RIMKLB: variants seen among roughly 807,000 people sequenced by gnomAD.
RIMKLB encodes the protein ribosomal modification protein rimK like family member B, also known as beta-citrylglutamate synthase B.
Under a neutral mutation model 32.0 loss-of-function variants are expected in RIMKLB, and 7 were observed. The observed-to-expected ratio is 0.22, with a 90% CI of 0.12 to 0.41. The LOEUF is 0.41. Ranked by LOEUF, RIMKLB falls within the 10% of genes least tolerant of loss-of-function variation. The probability of loss-of-function intolerance (pLI) is 1.00; values close to 1 mark genes in which losing one functional copy is unlikely to be tolerated. For missense variants in RIMKLB, 289 were observed against 498.7 expected, an observed-to-expected ratio of 0.58 and a Z score of 4.00; for synonymous variants, 172 against 185.1, an observed-to-expected ratio of 0.93 and a Z score of 0.57.
At chr12:8,711,443 G>A (rs1944367657) in intron 1 of RIMKLB, among the ~76,000 whole-genome samples, 1 of 151,996 alleles carries the variant, frequency 6.6e-6, no homozygotes, top group Non-Finnish European at 1.5e-5. Flanking sequence ...CAAGAGCCGA[G>A]TGTCAGGCCA....
At chr12:8,765,363 C>G (rs1411127508) in intron 5 of RIMKLB, among the ~76,000 whole-genome samples, 1 of 152,158 alleles carries the variant, frequency 6.6e-6, no homozygotes, top group Non-Finnish European at 1.5e-5. Flanking sequence ...GCCTGCTGGC[C>G]TTGGGGAATT....
intron 5 of RIMKLB, among the ~76,000 whole-genome samples, chr12:8,762,895 G>A (rs899577216): frequency 2.0e-5 from 3 of 152,258 alleles, no homozygotes; most frequent in Admixed American, 1.3e-4. Context: ...CCCCTTAAGC[G>A]GCGTAGGTGT....
At chr12:8,782,873 A>G (rs1022307076) in intron 7 of RIMKLB, 1 of 152,176 alleles carries the variant, frequency 6.6e-6, no homozygotes, top group African/African-American at 2.4e-5. Context: ...GAGACTTTTA[A>G]AATCTATGAT....
intron 2 of RIMKLB, among the ~76,000 whole-genome samples, chr12:8,729,931 T>G (rs1405802954): frequency 6.6e-6 from 1 of 152,204 alleles, no homozygotes; most frequent in Non-Finnish European, 1.5e-5. Context: ...CCCTAATGAT[T>G]AGTGATTTTT....
intron 7 of RIMKLB, chr12:8,782,803 T>C (rs1335170097): frequency 1.3e-5 from 2 of 152,198 alleles, no homozygotes; most frequent in Non-Finnish European, 2.9e-5. Context: ...TTTAGAATGT[T>C]TTATTGTCAT....
chr12:8,750,448 C>G (rs969310117), intron 3 of RIMKLB, among the ~76,000 whole-genome samples: 2 of 152,112 alleles, frequency 1.3e-5, no homozygotes, highest in Non-Finnish European at 2.9e-5. Flanking sequence ...GCTGATAGGT[C>G]AAATTTGACC....
chr12:8,713,782 C>A, intron 1 of RIMKLB, 29 bp from the exon 2 acceptor site: 1 of 1,314,146 alleles, frequency 7.6e-7, no homozygotes, highest in South Asian at 1.2e-5. Flanking sequence ...CTTGATTTAC[C>A]TTTTATGTAT....
upstream of RIMKLB, among the ~76,000 whole-genome samples, chr12:8,695,429 T>C (rs1942858740): frequency 6.6e-6 from 1 of 152,166 alleles, no homozygotes. Flanking sequence ...GGGTTTCCAA[T>C]ATGGAAATGG....
intron 1 of RIMKLB, among the ~76,000 whole-genome samples, chr12:8,683,171 T>C (rs1008170975): frequency 6.6e-6 from 1 of 152,202 alleles, no homozygotes; most frequent in African/African-American, 2.4e-5. Flanking sequence ...CTGAAGGACG[T>C]CTTGATTGCC....
chr12:8,750,100 T>A lies in RIMKLB; in HGVS notation c.406+8T>A. On this transcript the variant is annotated splice_region_variant and intron_variant, in intron 3 of 5. Transcript: ENST00000535829. ...CGGATACTTTCTCTTATGGTGAGCC[T>A]ACTAAAGAGCATACATAGCCTGAAT... 1 of 1,555,334 alleles carries A rather than the reference T, an allele frequency of 6.4e-7. No individual in the cohort carries two copies. The highest frequency in any genetic ancestry group is 8.9e-7 in the Non-Finnish European group (1 of 1,127,134).
At chr12:8,683,299 A>G (rs1452489503) in intron 1 of RIMKLB, among the ~76,000 whole-genome samples, 1 of 152,140 alleles carries the variant, frequency 6.6e-6, no homozygotes. Context: ...GCTGGATCAT[A>G]TGGTAAGAGT....
intron 4 of RIMKLB, among the ~76,000 whole-genome samples, chr12:8,753,111 G>T (rs866478960): frequency 1.3e-5 from 2 of 152,046 alleles, no homozygotes; most frequent in Non-Finnish European, 2.9e-5. Flanking sequence ...TTTGTGTTTC[G>T]GCAGGGATGG....
At position 8,714,552 on chromosome 12, in the gene RIMKLB, A is replaced by G. The variant is rs1482512494; in HGVS notation, c.175+511A>G. 1.3e-5 allele frequency among the ~76,000 whole-genome samples: 2 copies of G among 152,218 alleles called. 1 individual carries two copies. Among genetic ancestry groups the G allele is most frequent in the Non-Finnish European group, 2.9e-5 (2 of 68,048 alleles). ...GATTCCTTTTTATAAAACACTATAC[A>G]TGTAATATAAACTAATACGGTTTTA... On this transcript the variant is annotated intron_variant, in intron 2 of 5. Transcript: ENST00000535829.
intron 4 of RIMKLB, among the ~76,000 whole-genome samples, chr12:8,753,673 T>A (rs1948796181): frequency 6.6e-6 from 1 of 152,208 alleles, no homozygotes; most frequent in African/African-American, 2.4e-5. Context: ...TAGTTTGTCA[T>A]GAAAGAGTTT....
At chr12:8,773,241 G>A in intron 5 of RIMKLB, 80 bp from the exon 6 acceptor site, 4 of 966,238 alleles carry the variant, frequency 4.1e-6, no homozygotes, top group Non-Finnish European at 6.4e-6. Flanking sequence ...TAGAAGAAAG[G>A]CTTAGCCTTG....
upstream of RIMKLB, among the ~76,000 whole-genome samples, chr12:8,677,902 G>A (rs759334833): frequency 1.2e-4 from 18 of 150,820 alleles, no homozygotes; most frequent in South Asian, 2.5e-3. Flanking sequence ...ACAGGCATGC[G>A]CCACCATGCC....
chr12:8,771,462 G>A (rs1950388365), intron 5 of RIMKLB, among the ~76,000 whole-genome samples: 1 of 152,162 alleles, frequency 6.6e-6, no homozygotes, highest in Admixed American at 6.5e-5. Flanking sequence ...GATATGCCAG[G>A]AACTGTGGAC....
chr12:8,693,204 G>C (rs1362108643), upstream of RIMKLB, among the ~76,000 whole-genome samples: 1 of 151,996 alleles, frequency 6.6e-6, no homozygotes, highest in Non-Finnish European at 1.5e-5. Flanking sequence ...TGTTTTTCTG[G>C]CTGATGTAGA....
intron 4 of RIMKLB, among the ~76,000 whole-genome samples, chr12:8,752,900 C>G (rs771027726): frequency 1.3e-5 from 2 of 152,038 alleles, no homozygotes; most frequent in African/African-American, 2.4e-5. Context: ...GCCACCACGC[C>G]CAGCTACTTT....
Sources: gnomAD v4.1 joint callset for allele counts (sites outside exome capture counted in the v4.1 genomes callset) on GRCh38, gnomAD v4.1.1 for gene constraint, MANE v1.5 for transcripts, NCBI Gene and HGNC (gene_info 2026-07-23, HGNC 2026-07-21) for gene names.